UNC93A: variants seen among roughly 807,000 people sequenced by gnomAD.
UNC93A encodes the protein N-acetylglucosamine transporter UNC93A.
UNC93A carries 43 observed loss-of-function variants against 47.5 expected under a neutral mutation model. That is an observed-to-expected ratio of 0.91 (90% CI 0.71 to 1.17). UNC93A has a LOEUF of 1.17. UNC93A is among the 50% of genes most tolerant of loss of function. The pLI is 0.00. For synonymous variants in UNC93A, 280 were observed against 258.0 expected (o/e 1.09, Z -0.82); for missense variants, 605 against 577.6 (o/e 1.05, Z -0.49).
In UNC93A at chr6:167,296,103, AC is replaced by A. The variant is rs780607362; in HGVS notation, c.343del (p.Leu115SerfsTer20). On this transcript the variant is annotated frameshift_variant, in exon 3 of 8. Transcript: ENST00000230256. LOFTEE classifies it high-confidence loss of function. ...CCGCTGTGGTCTGCACAGTGCACATACCTCACGATCACGGGAAACACACATG... is the reference window on the plus strand; with the variant it reads ...CCGCTGTGGTCTGCACAGTGCACATACTCACGATCACGGGAAACACACATG... Reference protein sequence around the residue: ...AAPLWSAQCTYLTITGNTHAE... With the variant: ...AAPLWSAQCTXLTITGNTHAE... The A allele has an allele frequency of 1.2e-6, 2 of 1,614,194 alleles. No homozygotes were observed. The highest frequency in any genetic ancestry group is 3.3e-5 in the Admixed American group (2 of 60,032).
At position 167,307,077 on chromosome 6, in the gene UNC93A, AC is replaced by A. The variant is rs376378546; in HGVS notation, c.977-697del. 9.4e-4 allele frequency among the ~76,000 whole-genome samples: 143 copies of A among 152,004 alleles called. 2 individuals carry two copies. The highest frequency in any genetic ancestry group is 3.3e-3 in the African/African-American group (138 of 41,406). On this transcript the variant is annotated intron_variant, in intron 6 of 7. Coordinates refer to ENST00000230256, the MANE Select transcript of UNC93A (RefSeq NM_018974.4). ...TGAAACCATGGGCACACTTTGTCCT[AC>A]CCCCTGGCTACTCGGAAAGGTGCTG...
intron 1 of UNC93A, among the ~76,000 whole-genome samples, chr6:167,278,216 G>C (rs1783575281): frequency 6.6e-6 from 1 of 152,194 alleles, no homozygotes; most frequent in African/African-American, 2.4e-5. Context: ...ACATATACCT[G>C]AGTGAGGGCG....
chr6:167,277,703 G>T (rs1783566926), intron 1 of UNC93A, among the ~76,000 whole-genome samples: 1 of 150,106 alleles, frequency 6.7e-6, no homozygotes, highest in Non-Finnish European at 1.5e-5. Context: ...CTGTCTCTGT[G>T]TCTCTGGCTA....
chr6:167,291,550 G>C lies in UNC93A; in HGVS notation c.61G>C (p.Ala21Pro), dbSNP rs757804372. 1 of 1,613,436 alleles carries C rather than the reference G, an allele frequency of 6.2e-7. No individual in the cohort carries two copies. The highest frequency in any genetic ancestry group is 1.1e-5 in the South Asian group (1 of 90,838). ...VSFGFLLLFT[A>P]YGGLQSLQSS... The stretch of plus-strand genomic sequence containing the variant: ...CTTTGGGTTCCTGCTTCTCTTTACA[G>C]CCTATGGAGGTCTGCAGAGCCTGCA... Residue 21 changes from alanine (A) to proline (P), a missense_variant, in exon 1 of 8, where the codon GCC becomes CCC. Physicochemically the swap from Ala to Pro is conservative, Grantham distance 27 (BLOSUM62 -1). Coordinates refer to ENST00000230256, the MANE Select transcript of UNC93A (RefSeq NM_018974.4).
At chr6:167,275,673 G>A (rs1783527528) in intron 1 of UNC93A, among the ~76,000 whole-genome samples, 1 of 152,230 alleles carries the variant, frequency 6.6e-6, no homozygotes, top group South Asian at 2.1e-4. Flanking sequence ...GGCTGGACCA[G>A]CAGGTTCTGC....
At chr6:167,279,188 G>A (rs553065768) in intron 1 of UNC93A, among the ~76,000 whole-genome samples, 28 of 152,242 alleles carry the variant, frequency 1.8e-4, no homozygotes, top group South Asian at 1.0e-3. Flanking sequence ...TAGGCTGTTC[G>A]TTGTCTTTGA....
In UNC93A at chr6:167,312,515, C is replaced by T. The variant is rs940312719; in HGVS notation, c.1109-2672C>T. Among the ~76,000 whole-genome samples the T allele has an allele frequency of 1.8e-4, 27 of 152,328 alleles. 1 individual carries two copies. The highest frequency in any genetic ancestry group is 5.5e-4 in the African/African-American group (23 of 41,568). Reference sequence around the variant, plus strand: ...TCATTGATCTGCATCAGCATGGGCTCGTATATTTACTCTACACTTTGGGTC... The same window carrying T: ...TCATTGATCTGCATCAGCATGGGCTTGTATATTTACTCTACACTTTGGGTC... On this transcript the variant is annotated intron_variant, in intron 7 of 7. Transcript: ENST00000230256.
intron 1 of UNC93A, among the ~76,000 whole-genome samples, chr6:167,279,481 A>G (rs963208743): frequency 3.7e-4 from 57 of 152,200 alleles, no homozygotes; most frequent in African/African-American, 1.2e-3. Flanking sequence ...CTGCATTTTA[A>G]TATCTTGGTG....
At chr6:167,283,629 T>G (rs966348686) in intron 1 of UNC93A, among the ~76,000 whole-genome samples, 2 of 152,128 alleles carry the variant, frequency 1.3e-5, no homozygotes, top group Non-Finnish European at 2.9e-5. Flanking sequence ...GCTCACTCCC[T>G]CACTCCCCCG....
rs1319472956 is a variant in UNC93A at position 167,277,663 on chromosome 6, CTCTCTG to C, written c.-52+6211_-52+6216del. On this transcript the variant is annotated intron_variant, in intron 1 of 3. Coordinates refer to the UNC93A transcript ENST00000503433. ...TCTCTGTCTCCCTCTGTCTCTCTAT[CTCTCTG>C]TCTCTTTCTCTTTCTGTCTCTCTCT... 3.6e-5 allele frequency among the ~76,000 whole-genome samples: 5 copies of C among 138,482 alleles called. No individual in the cohort carries two copies. In the East Asian group the frequency reaches 1.1e-3, roughly 31 times the overall value. The allele number at this position is 138,482 out of a possible 152,430, so 90.8% of individuals were successfully genotyped here.
chr6:167,296,047 C>T lies in UNC93A; in HGVS notation c.285C>T (p.Pro95=), dbSNP rs1778077373. 1 of 1,614,124 alleles carries T rather than the reference C, an allele frequency of 6.2e-7. No individual in the cohort carries two copies. The highest frequency in any genetic ancestry group is 8.5e-7 in the Non-Finnish European group (1 of 1,179,996). ...NFFASWYTLI[P]TSILLGLGAA... ...TTACCCACAGGTACACTTTGATCCC[C>T]ACCTCCATACTGCTGGGACTCGGGG... The change falls in exon 3 of 8, where the codon CCC becomes CCT. Residue 95 remains proline (P), a synonymous_variant. Transcript: ENST00000230256.
At chr6:167,283,174 T>A (rs964400903) in intron 1 of UNC93A, among the ~76,000 whole-genome samples, 5 of 152,216 alleles carry the variant, frequency 3.3e-5, no homozygotes, top group Non-Finnish European at 1.5e-5. Flanking sequence ...GACACAGCTT[T>A]GCAGGGCCAT....
At chr6:167,307,492 G>A (rs1194344296) in intron 6 of UNC93A, among the ~76,000 whole-genome samples, 1 of 151,976 alleles carries the variant, frequency 6.6e-6, no homozygotes, top group Non-Finnish European at 1.5e-5. Flanking sequence ...TCCAGAGGAT[G>A]GTTGAGATGG....
chr6:167,300,260 C>T (rs1266956853), intron 4 of UNC93A, among the ~76,000 whole-genome samples: 2 of 152,138 alleles, frequency 1.3e-5, no homozygotes, highest in East Asian at 1.9e-4. Context: ...GGATGAGGCT[C>T]TTAGGGAGAA....
At chr6:167,306,096 A>C in intron 6 of UNC93A, 46 bp downstream of exon 6, 1 of 1,608,718 alleles carries the variant, frequency 6.2e-7, no homozygotes, top group East Asian at 2.2e-5. Flanking sequence ...AACGATTTGC[A>C]GTAGCAAAAG....
chr6:167,283,042 A>G (rs1466715295), intron 1 of UNC93A, among the ~76,000 whole-genome samples: 1 of 152,152 alleles, frequency 6.6e-6, no homozygotes, highest in African/African-American at 2.4e-5. Flanking sequence ...GAGACAACAG[A>G]TGGCAAATGT....
chr6:167,292,364 T>C (rs1783860467), intron 1 of UNC93A, among the ~76,000 whole-genome samples: 1 of 152,146 alleles, frequency 6.6e-6, no homozygotes, highest in Non-Finnish European at 1.5e-5. Context: ...ACATGGTTCG[T>C]CAATGAAGAA....
chr6:167,270,003 A>G (rs1488171391), upstream of UNC93A, among the ~76,000 whole-genome samples: 3 of 138,492 alleles, frequency 2.2e-5, no homozygotes, highest in East Asian at 2.4e-4. Context: ...TGGCCCTGGT[A>G]GAAAGCTGAG....
At chr6:167,276,890 C>T (rs1783553251) in intron 1 of UNC93A, among the ~76,000 whole-genome samples, 1 of 152,214 alleles carries the variant, frequency 6.6e-6, no homozygotes, top group Non-Finnish European at 1.5e-5. Flanking sequence ...CAGCTGCCAT[C>T]CTGTGCCCAG....
Sources: allele counts gnomAD v4.1 joint callset (sites outside exome capture counted in the v4.1 genomes callset), GRCh38; gene constraint gnomAD v4.1.1; transcripts MANE v1.5; gene names NCBI Gene and HGNC (gene_info 2026-07-23, HGNC 2026-07-21).